Variants in TCF4 observed in about 807,000 individuals in gnomAD.
TCF4 encodes transcription factor 4, also known as SL3-3 enhancer factor 2.
Under a neutral mutation model 82.1 loss-of-function variants are expected in TCF4, and 3 were observed. The ratio of observed to expected loss-of-function variants is 0.04; its 90% CI spans 0.02 to 0.09. The LOEUF is 0.09. Among genes scored for constraint, TCF4 ranks in the 10% least tolerant of loss-of-function variants. The pLI is 1.00. For synonymous variants in TCF4, 276 were observed against 309.6 expected, an observed-to-expected ratio of 0.89 and a Z score of 1.14; for missense variants, 518 against 852.7, an observed-to-expected ratio of 0.61 and a Z score of 4.89.
At position 55,633,457 on chromosome 18, in the gene TCF4, C is replaced by T. The variant is rs778901373; in HGVS notation, c.196-2069G>A. Among the ~76,000 whole-genome samples the T allele has an allele frequency of 4.6e-5, 7 of 152,298 alleles. No homozygotes were observed. The highest frequency in any genetic ancestry group is 1.2e-4 in the African/African-American group (5 of 41,552). On this transcript the variant is annotated intron_variant, in intron 1 of 20. Coordinates refer to the TCF4 transcript ENST00000398339. The surrounding 1 kb of genome is among the most constrained non-coding windows in gnomAD (Gnocchi z 4.0). ...CTTTATGACCTAGTTTAAGAAGTCA[C>T]ACACTGACACCTCTGCCATGTCCTA...
chr18:55,438,425 T>C (rs2095374451), intron 5 of TCF4, among the ~76,000 whole-genome samples: 1 of 151,840 alleles, frequency 6.6e-6, no homozygotes. Flanking sequence ...AGAAGAGTGA[T>C]CTATTCCCAG....
At chr18:55,278,281 AAAGAAGGAAACCCCATGGCCCGT>A (rs2061848637) in intron 9 of TCF4, among the ~76,000 whole-genome samples, 1 of 152,160 alleles carries the variant, frequency 6.6e-6, no homozygotes, top group Non-Finnish European at 1.5e-5. Context: ...AGAGATGCAT[AAAGAAGGAAACCCCATGGCCCGT>A]AGACAAGGCT....
intron 5 of TCF4, among the ~76,000 whole-genome samples, chr18:55,451,522 G>A (rs1378348504): frequency 1.3e-5 from 2 of 152,196 alleles, no homozygotes; most frequent in Non-Finnish European, 2.9e-5. Flanking sequence ...GATGTGCACT[G>A]CTCAAAACAG....
intron 6 of TCF4, among the ~76,000 whole-genome samples, chr18:55,391,699 G>A (rs1186618962): frequency 6.6e-6 from 1 of 151,848 alleles, no homozygotes; most frequent in Non-Finnish European, 1.5e-5. Flanking sequence ...TTGGGAGGCC[G>A]AGGTGGGCGG....
intron 5 of TCF4, chr18:55,403,938 C>G: frequency 7.4e-7 from 1 of 1,358,346 alleles, no homozygotes; most frequent in South Asian, 1.8e-5. Context: ...CAAAACTAAT[C>G]AATCACAGGC....
chr18:55,501,513 T>C (rs1302424528), intron 3 of TCF4, among the ~76,000 whole-genome samples: 1 of 152,222 alleles, frequency 6.6e-6, no homozygotes, highest in African/African-American at 2.4e-5. Context: ...TATTGGTCTT[T>C]GTACCTCATT....
At chr18:55,295,720 T>C (rs763762069) in intron 8 of TCF4, among the ~76,000 whole-genome samples, 1 of 152,230 alleles carries the variant, frequency 6.6e-6, no homozygotes, top group East Asian at 1.9e-4. Flanking sequence ...TCTCATCTTT[T>C]ATGTTATCCT....
chr18:55,487,927 T>C (rs1047371169), intron 3 of TCF4, among the ~76,000 whole-genome samples: 2 of 152,108 alleles, frequency 1.3e-5, no homozygotes, highest in African/African-American at 4.8e-5. Context: ...GGTAGATATA[T>C]ACAGTGCCCT....
chr18:55,577,374 C>T (rs1189371990), intron 3 of TCF4, among the ~76,000 whole-genome samples: 1 of 151,274 alleles, frequency 6.6e-6, no homozygotes, highest in Non-Finnish European at 1.5e-5. Context: ...CCATTCCCAA[C>T]ATATTAAAAC....
chr18:55,407,124 C>T (rs2094132160), intron 5 of TCF4, among the ~76,000 whole-genome samples: 1 of 152,056 alleles, frequency 6.6e-6, no homozygotes, highest in Non-Finnish European at 1.5e-5. Context: ...AGAAACAAAT[C>T]TTGTCAGGCA....
intron 6 of TCF4, among the ~76,000 whole-genome samples, chr18:55,381,461 C>T (rs1378063277): frequency 1.3e-5 from 2 of 152,250 alleles, no homozygotes; most frequent in African/African-American, 4.8e-5. Flanking sequence ...GAGCCTGCTG[C>T]TTTGGCATTC....
At chr18:55,450,187 C>T (rs1473510409) in intron 5 of TCF4, among the ~76,000 whole-genome samples, 5 of 152,216 alleles carry the variant, frequency 3.3e-5, no homozygotes, top group Non-Finnish European at 7.3e-5. Context: ...CTAGGTCCAC[C>T]ATCCACCACT....
At chr18:55,357,724 T>C (rs1230619592) in intron 6 of TCF4, among the ~76,000 whole-genome samples, 1 of 152,174 alleles carries the variant, frequency 6.6e-6, no homozygotes, top group Non-Finnish European at 1.5e-5. Flanking sequence ...AGCAACGATA[T>C]ATGACAGCCA....
intron 6 of TCF4, among the ~76,000 whole-genome samples, chr18:55,400,648 AT>A (rs2093761591): frequency 6.6e-6 from 1 of 152,180 alleles, no homozygotes; most frequent in African/African-American, 2.4e-5. Flanking sequence ...GTCCATCAGT[AT>A]TAGTGTTAAA....
chr18:55,327,125 T>C (rs577489611), intron 8 of TCF4, among the ~76,000 whole-genome samples: 1 of 152,298 alleles, frequency 6.6e-6, no homozygotes, highest in Non-Finnish European at 1.5e-5. Context: ...CTTAAGACTA[T>C]GAAATAACTG....
intron 2 of TCF4, among the ~76,000 whole-genome samples, chr18:55,621,171 G>A (rs2097717597): frequency 6.6e-6 from 1 of 151,372 alleles, no homozygotes; most frequent in African/African-American, 2.4e-5. Flanking sequence ...GTGGGACACA[G>A]GTCTCTAGGC....
intron 5 of TCF4, among the ~76,000 whole-genome samples, chr18:55,459,719 A>G (rs937080542): frequency 6.6e-6 from 1 of 152,156 alleles, no homozygotes; most frequent in Non-Finnish European, 1.5e-5. Flanking sequence ...ACAAGAAACA[A>G]TGCACCTTTC....
intron 5 of TCF4, among the ~76,000 whole-genome samples, chr18:55,426,180 C>T (rs1376384560): frequency 7.9e-5 from 12 of 151,360 alleles, no homozygotes; most frequent in Admixed American, 1.3e-4. Context: ...CCTAAAAACC[C>T]TTTTGGAAGG....
chr18:55,232,699 T>A (rs774925799), intron 16 of TCF4, 28 bp from the exon 17 acceptor site: 2 of 1,613,838 alleles, frequency 1.2e-6, no homozygotes, highest in African/African-American at 1.3e-5. Flanking sequence ...TCAGGTGACA[T>A]GTACACCACA....
Sources: gnomAD v4.1 joint callset for allele counts (sites outside exome capture counted in the v4.1 genomes callset) on GRCh38, gnomAD v4.1.1 for gene constraint, Gnocchi (gnomAD v3.1) non-coding constraint, MANE v1.5 for transcripts, NCBI Gene and HGNC (gene_info 2026-07-23, HGNC 2026-07-21) for gene names.